CAND2: variants seen among roughly 807,000 people sequenced by gnomAD.
CAND2 encodes the protein cullin-associated NEDD8-dissociated protein 2.
Under a neutral mutation model 98.9 loss-of-function variants are expected in CAND2, and 62 were observed. The observed-to-expected ratio is 0.63, with a 90% CI of 0.51 to 0.77. The LOEUF (loss-of-function observed/expected upper bound fraction) is 0.77, where lower values mean the gene tolerates loss of function less well. Ranked by LOEUF, CAND2 falls within the 30% of genes least tolerant of loss-of-function variation. CAND2 has a pLI of 0.00. For synonymous variants in CAND2, 770 were observed against 731.9 expected (o/e 1.05, Z -0.84); for missense variants, 1,501 against 1,655.2 (o/e 0.91, Z 1.62).
At position 12,834,348 on chromosome 3, in the gene CAND2, G is replaced by A. The variant is rs564812911; in HGVS notation, c.*366G>A. 2.0e-4 allele frequency: 43 copies of A among 219,696 alleles called. No individual in the cohort carries two copies. The highest frequency in any genetic ancestry group is 9.3e-4 in the African/African-American group (42 of 44,946). 13.6% of individuals were successfully genotyped at this position (219,696 alleles called of 1,614,324 possible). A position where few individuals can be genotyped will look rare whatever the true frequency, so the allele number is the denominator to read the frequency against. On this transcript the variant is annotated 3_prime_UTR_variant, in exon 15 of 15. Transcript: ENST00000456430. The stretch of plus-strand genomic sequence containing the variant: ...TTAGAAATAGGCTGTGCTGTCAGCT[G>A]TAAAAGATCAGGAGGCAGCAGACAC...
At chr3:12,821,814 C>A (rs527585325) in intron 11 of CAND2, among the ~76,000 whole-genome samples, 1 of 152,252 alleles carries the variant, frequency 6.6e-6, no homozygotes, top group East Asian at 1.9e-4. Context: ...CAGTGCATCA[C>A]ATCAGGGGCA....
chr3:12,827,949 C>T lies in CAND2; in HGVS notation c.3375+345C>T, dbSNP rs542152884. Among the ~76,000 whole-genome samples, 18 of 151,552 alleles carry T rather than the reference C, an allele frequency of 1.2e-4. No individual in the cohort carries two copies. In the East Asian group the frequency reaches 3.3e-3, roughly 28 times the overall value. On this transcript the variant is annotated intron_variant, in intron 13 of 14. Transcript: ENST00000456430. ...AGTGAAACATGATCACACCACTGCA[C>T]TCCAACCTGGACGACAAAGCGAGAC...
At chr3:12,825,276 A>C in intron 11 of CAND2, among the ~76,000 whole-genome samples, 194 bp from the exon 12 acceptor site, 1 of 152,190 alleles carries the variant, frequency 6.6e-6, no homozygotes, top group East Asian at 1.9e-4. Context: ...AAGCCACATC[A>C]GCTCAAGCCC....
rs779105083 is a variant in CAND2, at chr3:12,816,419, G to A, written c.1487G>A (p.Arg496Gln). Residue 496 changes from arginine (R) to glutamine (Q), a missense_variant, in exon 10 of 15, where the codon CGG becomes CAG. Physicochemically the swap from Arg to Gln is conservative, Grantham distance 43 (BLOSUM62 1). This residue lies in a region of CAND2 where 1,427 missense variants were observed against 1,545.3 expected (regional missense o/e 0.92). Coordinates refer to ENST00000456430, the MANE Select transcript of CAND2 (RefSeq NM_001162499.2). ...GACCGCTCCAGCTCCTCCACCATCCGGATGGATGCCCTGGCCTTCTTGCAG... is the reference window on the plus strand; with the variant it reads ...GACCGCTCCAGCTCCTCCACCATCCAGATGGATGCCCTGGCCTTCTTGCAG... Reference protein sequence around the residue: ...LADRSSSSTIRMDALAFLQGL... With the variant: ...LADRSSSSTIQMDALAFLQGL... The A allele has an allele frequency of 3.1e-6, 5 of 1,613,698 alleles. No homozygotes were observed. Among genetic ancestry groups the A allele is most frequent in the East Asian group, 2.2e-5 (1 of 44,888 alleles).
At chr3:12,798,957 AG>A (rs11344603) in intron 1 of CAND2, among the ~76,000 whole-genome samples, 100,394 of 151,854 alleles carry the variant, frequency 0.66, 35,408 homozygotes, top group African/African-American at 0.91. Context: ...GGTGGGGTGG[AG>A]GGAGACCTTT....
intron 4 of CAND2, 35 bp downstream of exon 4, chr3:12,808,368 G>T: frequency 6.5e-7 from 1 of 1,549,392 alleles, no homozygotes; most frequent in South Asian, 1.2e-5. Context: ...GAGGAAGAGT[G>T]GGTAAAAGGG....
Position 12,816,002 on chromosome 3 carries a change from GT to G in CAND2, c.1436del (p.Val479AspfsTer48), listed in dbSNP as rs1463729898. ...GSLAEHMPVL[V>X]SGIIFSLADR... ...CCTGGCCGAGCATATGCCTGTGCTGGTATCAGGTAGGCTGGACTGCAACCAG... is the reference window on the plus strand; with the variant it reads ...CCTGGCCGAGCATATGCCTGTGCTGGATCAGGTAGGCTGGACTGCAACCAG... On this transcript the variant is annotated frameshift_variant, in exon 9 of 15. Coordinates refer to ENST00000456430, the MANE Select transcript of CAND2 (RefSeq NM_001162499.2). LOFTEE classifies it high-confidence loss of function. 1 of 1,613,414 alleles carries G rather than the reference GT, an allele frequency of 6.2e-7. No individual in the cohort carries two copies. Among genetic ancestry groups the G allele is most frequent in the East Asian group, 2.2e-5 (1 of 44,868 alleles).
At chr3:12,822,957 TCTAC>T (rs941773733) in intron 11 of CAND2, among the ~76,000 whole-genome samples, 7 of 152,154 alleles carry the variant, frequency 4.6e-5, no homozygotes, top group African/African-American at 1.4e-4. Flanking sequence ...TTCTTTCTCT[TCTAC>T]CTACCTACCC....
chr3:12,801,969 T>G (rs1268091812), intron 1 of CAND2, among the ~76,000 whole-genome samples: 3 of 152,184 alleles, frequency 2.0e-5, no homozygotes, highest in African/African-American at 7.2e-5. Context: ...GGGCTCGCCC[T>G]CCTCCATCTG....
At chr3:12,801,133 G>A (rs1489353176) in intron 1 of CAND2, among the ~76,000 whole-genome samples, 3 of 151,530 alleles carry the variant, frequency 2.0e-5, no homozygotes, top group African/African-American at 7.3e-5. Context: ...TGCCTCCCGG[G>A]TTCAAGTGAT....
chr3:12,809,835 A>G, intron 4 of CAND2: 1 of 479,554 alleles, frequency 2.1e-6, no homozygotes, highest in Non-Finnish European at 3.6e-6. Flanking sequence ...GCTGGGAGCC[A>G]GGCTTTGCAC....
rs1474343783 is a variant in CAND2, at chr3:12,817,161, G to T, written c.2229G>T (p.Leu743=). Residue 743 remains leucine, a synonymous_variant, in exon 10 of 15, where the codon CTG becomes CTT. Transcript: ENST00000456430. ...CTGTGCTCTCAGAGCTGCTGCGGCT[G>T]CTGCGTTCGCCCCTGTTGCCAGCCG... ...SGPVLSELLR[L]LRSPLLPAGV... The T allele has an allele frequency of 1.2e-6, 2 of 1,612,784 alleles. No individual in the cohort carries two copies. Among genetic ancestry groups the T allele is most frequent in the Non-Finnish European group, 1.7e-6 (2 of 1,179,980 alleles).
intron 2 of CAND2, among the ~76,000 whole-genome samples, chr3:12,806,760 A>G (rs1220557040): frequency 6.6e-6 from 1 of 152,226 alleles, no homozygotes; most frequent in Non-Finnish European, 1.5e-5. Flanking sequence ...GGCTCAGTAG[A>G]TCTAGGGTAG....
intron 1 of CAND2, among the ~76,000 whole-genome samples, chr3:12,802,536 G>T (rs2061773577): frequency 6.6e-6 from 1 of 152,178 alleles, no homozygotes; most frequent in Non-Finnish European, 1.5e-5. Flanking sequence ...ACTTGCCCAA[G>T]TTCACACTCA....
chr3:12,819,741 ATAGGATCATTGT>A (rs1559555667), intron 10 of CAND2, among the ~76,000 whole-genome samples: 1 of 152,182 alleles, frequency 6.6e-6, no homozygotes, highest in East Asian at 1.9e-4. Flanking sequence ...TTTATTATTA[ATAGGATCATTGT>A]TAGGACTCAT....
chr3:12,821,595 T>G (rs2124863768), intron 11 of CAND2, among the ~76,000 whole-genome samples: 1 of 152,154 alleles, frequency 6.6e-6, no homozygotes, highest in East Asian at 1.9e-4. Flanking sequence ...CCTGATTTCC[T>G]CCATTGTAAC....
At chr3:12,825,736 G>A (rs921271430) in intron 12 of CAND2, 97 bp downstream of exon 12, 43 of 1,302,396 alleles carry the variant, frequency 3.3e-5, no homozygotes, top group Non-Finnish European at 4.3e-5. Flanking sequence ...AGCAGGTGCC[G>A]GGGCCACATG....
At chr3:12,831,837 T>A (rs2062056222) in intron 14 of CAND2, among the ~76,000 whole-genome samples, 1 of 152,208 alleles carries the variant, frequency 6.6e-6, no homozygotes. Context: ...TGTCTCTCCT[T>A]CCATTCATTA....
chr3:12,802,049 TG>T (rs2061770274), intron 1 of CAND2, among the ~76,000 whole-genome samples: 1 of 152,120 alleles, frequency 6.6e-6, no homozygotes, highest in Admixed American at 6.5e-5. Context: ...ATCCCTTGGC[TG>T]GGCGCGGTGG....
Sources: gnomAD v4.1 joint callset for allele counts (sites outside exome capture counted in the v4.1 genomes callset) on GRCh38, gnomAD v4.1.1 for gene constraint, gnomAD v4.1.1 regional missense constraint, MANE v1.5 for transcripts, NCBI Gene and HGNC (gene_info 2026-07-23, HGNC 2026-07-21) for gene names.